KYAT3: variants seen among roughly 807,000 people sequenced by gnomAD.
KYAT3 encodes the protein kynurenine--oxoglutarate transaminase 3.
In KYAT3, 50 loss-of-function variants were observed where a neutral mutation model predicts 59.0. That is an observed-to-expected ratio of 0.85 (90% CI 0.68 to 1.07). The LOEUF (loss-of-function observed/expected upper bound fraction) is 1.07. Ranked by LOEUF, KYAT3 falls within the 50% of genes least tolerant of loss-of-function variation. KYAT3 has a pLI of 0.00. For missense variants in KYAT3, 497 were observed against 533.3 expected, an observed-to-expected ratio of 0.93 and a Z score of 0.67; for synonymous variants, 148 against 177.0, an observed-to-expected ratio of 0.84 and a Z score of 1.30.
downstream of KYAT3, among the ~76,000 whole-genome samples, chr1:88,931,313 C>G (rs1674902500): frequency 6.6e-6 from 1 of 152,192 alleles, no homozygotes; most frequent in African/African-American, 2.4e-5. Context: ...TTAAGTTTGT[C>G]TCTTCCAGAA....
At chr1:88,942,968 T>G (rs1040156908) in intron 13 of KYAT3, 37 bp downstream of exon 13, 2 of 1,299,210 alleles carry the variant, frequency 1.5e-6, no homozygotes, top group Admixed American at 3.7e-5. Context: ...GAAATGAAGA[T>G]ACTATATATG....
At position 88,935,982 on chromosome 1, in the gene KYAT3, G is replaced by A. The variant is rs900992128; in HGVS notation, c.*201C>T. On this transcript the variant is annotated 3_prime_UTR_variant, in exon 14 of 14. Transcript: ENST00000260508. Reference sequence around the variant, plus strand: ...CTTATAAAATGATTGTGGAAGGTGTGTTAATACATTTCAACTGGAAAAAAA... The same window carrying A: ...CTTATAAAATGATTGTGGAAGGTGTATTAATACATTTCAACTGGAAAAAAA... 2 of 505,164 alleles carry A rather than the reference G, an allele frequency of 4.0e-6. No individual in the cohort carries two copies. The highest frequency in any genetic ancestry group is 7.1e-6 in the Non-Finnish European group (2 of 280,204). 31.3% of individuals were successfully genotyped at this position (505,164 alleles called of 1,614,324 possible). A position where few individuals can be genotyped will look rare whatever the true frequency, so the allele number is the denominator to read the frequency against.
intron 13 of KYAT3, among the ~76,000 whole-genome samples, chr1:88,941,172 A>G (rs371319759): frequency 3.0e-4 from 45 of 152,208 alleles, no homozygotes; most frequent in African/African-American, 9.4e-4. Flanking sequence ...AAGATGAAGG[A>G]TATTAATAGC....
intron 8 of KYAT3, among the ~76,000 whole-genome samples, chr1:88,960,427 A>G (rs1340715422): frequency 6.6e-6 from 1 of 152,188 alleles, no homozygotes; most frequent in Non-Finnish European, 1.5e-5. Flanking sequence ...GAAGTAAAAT[A>G]TATAGATTCT....
chr1:88,979,928 A>G (rs1676995624), intron 2 of KYAT3: 1 of 152,232 alleles, frequency 6.6e-6, no homozygotes, highest in African/African-American at 2.4e-5. Flanking sequence ...AAGGTCCATC[A>G]ACAGGTGAGT....
chr1:88,977,500 CCTTT>C (rs1676838748), intron 2 of KYAT3, among the ~76,000 whole-genome samples: 2 of 151,930 alleles, frequency 1.3e-5, no homozygotes, highest in South Asian at 2.1e-4. Context: ...CTGTGCCCTT[CCTTT>C]ATTTTTGTAC....
intron 12 of KYAT3, 102 bp from the exon 13 acceptor site, chr1:88,943,193 C>A (rs181526634): frequency 1.8e-6 from 2 of 1,081,542 alleles, no homozygotes; most frequent in Admixed American, 4.5e-5. Context: ...TTTAAATAGT[C>A]ACAATAATTT....
chr1:88,962,274 C>A, intron 5 of KYAT3, 129 bp from the exon 6 acceptor site: 1 of 685,272 alleles, frequency 1.5e-6, no homozygotes. Flanking sequence ...AGGCTTTGCC[C>A]TTGTGGAGCT....
At chr1:88,982,950 T>TA in intron 2 of KYAT3, 1 of 1,613,922 alleles carries the variant, frequency 6.2e-7, no homozygotes, top group Non-Finnish European at 8.5e-7. Context: ...AGTGGAGCAC[T>TA]ACGTGAGTTA....
chr1:88,952,370 T>TTACA (rs1478273366), intron 10 of KYAT3, among the ~76,000 whole-genome samples: 1 of 152,170 alleles, frequency 6.6e-6, no homozygotes, highest in Non-Finnish European at 1.5e-5. Context: ...CCAGTTGTAA[T>TTACA]CCTCAATGTT....
rs547406028 is a variant in KYAT3, at chr1:88,970,034, A to G, written c.100-567T>C. On this transcript the variant is annotated intron_variant, in intron 2 of 13. Transcript: ENST00000260508. ...ACAAAAAGTATCATCCTACCCTAGA[A>G]AGCTAATCTGTTTTAAGGCTTGTAA... 8.5e-5 allele frequency among the ~76,000 whole-genome samples: 13 copies of G among 152,288 alleles called. 1 individual carries two copies. The South Asian group carries it at 2.7e-3, about 32-fold the overall frequency.
intron 2 of KYAT3, among the ~76,000 whole-genome samples, chr1:88,969,681 G>A (rs191779230): frequency 2.0e-5 from 3 of 150,900 alleles, no homozygotes; most frequent in African/African-American, 7.3e-5. Context: ...AGACGTGGTT[G>A]CCCAGGCTGG....
At chr1:88,965,581 A>G (rs1157513880) in intron 4 of KYAT3, among the ~76,000 whole-genome samples, 1 of 152,192 alleles carries the variant, frequency 6.6e-6, no homozygotes, top group Non-Finnish European at 1.5e-5. Flanking sequence ...ATGAAGGTAC[A>G]GCCTGAGGCA....
intron 2 of KYAT3, among the ~76,000 whole-genome samples, chr1:88,985,068 T>C (rs1190924172): frequency 2.0e-5 from 3 of 152,230 alleles, no homozygotes; most frequent in Admixed American, 1.3e-4. Flanking sequence ...GAAACAAGCT[T>C]ATTGGAAACA....
At chr1:88,954,431 A>T (rs756761847) in intron 9 of KYAT3, among the ~76,000 whole-genome samples, 12 of 152,156 alleles carry the variant, frequency 7.9e-5, no homozygotes, top group Non-Finnish European at 1.6e-4. Flanking sequence ...TACCCACCTT[A>T]TAGTGTGGTT....
At chr1:88,925,020 C>G in the KYAT3 span, among the ~76,000 whole-genome samples, 12 of 152,286 alleles carry the variant, frequency 7.9e-5, no homozygotes, top group East Asian at 1.9e-3. Context: ...GAGCAAGGAC[C>G]CCAGGTAACA....
chr1:88,947,048 A>G (rs976478751), intron 11 of KYAT3, among the ~76,000 whole-genome samples: 7 of 152,118 alleles, frequency 4.6e-5, no homozygotes, highest in Non-Finnish European at 7.4e-5. Context: ...CAGTTCCTCA[A>G]TGTAGTTGAT....
intron 8 of KYAT3, among the ~76,000 whole-genome samples, chr1:88,960,708 G>A (rs771666894): frequency 4.6e-5 from 7 of 152,082 alleles, no homozygotes; most frequent in East Asian, 1.9e-4. Flanking sequence ...CAGACAGTAC[G>A]GCATTCATGA....
intron 13 of KYAT3, among the ~76,000 whole-genome samples, chr1:88,940,492 A>G (rs536640844): frequency 3.9e-5 from 6 of 152,218 alleles, no homozygotes; most frequent in Non-Finnish European, 8.8e-5. Context: ...CTGTGATTTG[A>G]AGATAGATTT....
Sources: gnomAD v4.1 joint callset for allele counts (sites outside exome capture counted in the v4.1 genomes callset) on GRCh38, gnomAD v4.1.1 for gene constraint, MANE v1.5 for transcripts, NCBI Gene and HGNC (gene_info 2026-07-23, HGNC 2026-07-21) for gene names.